Variants in BCKDHB observed in about 807,000 individuals in gnomAD.
BCKDHB encodes branched chain keto acid dehydrogenase E1 subunit beta.
In BCKDHB, 41 loss-of-function variants were observed where a neutral mutation model predicts 48.5. The ratio of observed to expected loss-of-function variants is 0.85; its 90% CI spans 0.66 to 1.10. The LOEUF (loss-of-function observed/expected upper bound fraction) is 1.10, where lower values mean the gene tolerates loss of function less well. BCKDHB is among the 50% of genes least tolerant of loss of function. BCKDHB has a pLI of 0.00. For missense variants in BCKDHB, 496 were observed against 494.2 expected (o/e 1.00, Z -0.03); for synonymous variants, 201 against 174.8 (o/e 1.15, Z -1.18).
chr6:80,203,084 T>C lies in BCKDHB; in HGVS notation c.841-18T>C. 6.4e-7 allele frequency: 1 copy of C among 1,554,210 alleles called. No homozygotes were observed. Among genetic ancestry groups the C allele is most frequent in the Non-Finnish European group, 8.9e-7 (1 of 1,125,922 alleles). On this transcript the variant is annotated intron_variant, in intron 7 of 9. Transcript: ENST00000320393. Reference sequence around the variant, plus strand: ...AACCTTTGTAGTCATTCTCTGCATATTTTTCTCTTTATTTCAGGTTCATGT... The same window carrying C: ...AACCTTTGTAGTCATTCTCTGCATACTTTTCTCTTTATTTCAGGTTCATGT...
At chr6:80,464,092 A>G in the BCKDHB span, among the ~76,000 whole-genome samples, 5 of 152,018 alleles carry the variant, frequency 3.3e-5, no homozygotes, top group Non-Finnish European at 7.4e-5. Flanking sequence ...CACAGATTAC[A>G]AGTGCATTGA....
intron 8 of BCKDHB, among the ~76,000 whole-genome samples, chr6:80,269,498 A>G (rs1777646191): frequency 6.6e-6 from 1 of 152,040 alleles, no homozygotes; most frequent in Non-Finnish European, 1.5e-5. Context: ...CTGATCTTCA[A>G]TTGGCTTAGC....
At chr6:80,417,066 T>A in the BCKDHB span, among the ~76,000 whole-genome samples, 1 of 152,192 alleles carries the variant, frequency 6.6e-6, no homozygotes, top group East Asian at 1.9e-4. Context: ...TTTAAGATAC[T>A]TAGATGATTT....
At chr6:80,201,555 G>C (rs1338696735) in intron 7 of BCKDHB, among the ~76,000 whole-genome samples, 1 of 152,122 alleles carries the variant, frequency 6.6e-6, no homozygotes, top group East Asian at 1.9e-4. Context: ...GTATACCCAT[G>C]TTACTTTCGC....
At chr6:80,140,507 G>A (rs1431950324) in intron 3 of BCKDHB, among the ~76,000 whole-genome samples, 4 of 152,118 alleles carry the variant, frequency 2.6e-5, no homozygotes, top group Non-Finnish European at 5.9e-5. Flanking sequence ...TGAGTTTTTA[G>A]CATGAAGGGT....
intron 6 of BCKDHB, among the ~76,000 whole-genome samples, chr6:80,188,695 G>C (rs1186923216): frequency 1.3e-5 from 2 of 152,018 alleles, no homozygotes; most frequent in Non-Finnish European, 2.9e-5. Context: ...CGCTTACTAT[G>C]CTTATTACCT....
intron 6 of BCKDHB, among the ~76,000 whole-genome samples, chr6:80,171,630 ATAAAGGGACTATGTT>A (rs1169610585): frequency 6.6e-6 from 1 of 152,108 alleles, no homozygotes; most frequent in Non-Finnish European, 1.5e-5. Context: ...GGTAGCAACA[ATAAAGGGACTATGTT>A]TAACCACATA....
At chr6:80,334,663 G>C (rs1308330006) in intron 9 of BCKDHB, among the ~76,000 whole-genome samples, 1 of 151,148 alleles carries the variant, frequency 6.6e-6, no homozygotes, top group Non-Finnish European at 1.5e-5. Context: ...TTTAATTTTA[G>C]TAAAAACATT....
At chr6:80,412,334 A>G in the BCKDHB span, among the ~76,000 whole-genome samples, 1 of 151,666 alleles carries the variant, frequency 6.6e-6, no homozygotes. Flanking sequence ...TTTAGTAGAG[A>G]TGGGGTTTCA....
At chr6:80,211,238 T>C (rs1489749406) in intron 8 of BCKDHB, among the ~76,000 whole-genome samples, 1 of 152,178 alleles carries the variant, frequency 6.6e-6, no homozygotes, top group African/African-American at 2.4e-5. Flanking sequence ...TGTTTAAACT[T>C]TACCTGAAGA....
At chr6:80,333,889 A>C (rs1229291252) in intron 9 of BCKDHB, among the ~76,000 whole-genome samples, 6 of 152,120 alleles carry the variant, frequency 3.9e-5, no homozygotes, top group East Asian at 3.8e-4. Flanking sequence ...GTCACTAACT[A>C]CCTCTTCATT....
chr6:80,199,930 G>A (rs1338246477), intron 6 of BCKDHB, among the ~76,000 whole-genome samples: 1 of 151,100 alleles, frequency 6.6e-6, no homozygotes, highest in East Asian at 1.9e-4. Context: ...AATTTAGCCT[G>A]GCAGTAGTGG....
chr6:80,394,101 G>A, the BCKDHB span, among the ~76,000 whole-genome samples: 1 of 152,090 alleles, frequency 6.6e-6, no homozygotes, highest in African/African-American at 2.4e-5. Context: ...AATTGATTCT[G>A]TTCCTCCAAG....
intron 3 of BCKDHB, among the ~76,000 whole-genome samples, chr6:80,133,727 C>G (rs1562074360): frequency 1.3e-5 from 2 of 152,064 alleles, no homozygotes; most frequent in African/African-American, 2.4e-5. Flanking sequence ...ACTGTAACCT[C>G]TCTCTCCCAG....
intron 9 of BCKDHB, among the ~76,000 whole-genome samples, chr6:80,292,184 C>T (rs1478721170): frequency 6.6e-6 from 1 of 152,266 alleles, no homozygotes; most frequent in African/African-American, 2.4e-5. Context: ...CTTTTATTGG[C>T]TCTATAAGTT....
Position 80,172,135 on chromosome 6 carries a change from C to T in BCKDHB, c.742+745C>T, listed in dbSNP as rs187624937. 3.2e-4 allele frequency among the ~76,000 whole-genome samples: 48 copies of T among 152,146 alleles called. No individual in the cohort carries two copies. In the East Asian group the frequency reaches 7.5e-3, roughly 24 times the overall value. On this transcript the variant is annotated intron_variant, in intron 6 of 9. Transcript: ENST00000320393. ...CACTGCATATGTTCTTTTGTGTTTG[C>T]TTTCTTTTACTCAACCTAATGCTTT...
chr6:80,120,724 G>C (rs903694443), intron 1 of BCKDHB, among the ~76,000 whole-genome samples: 1 of 152,090 alleles, frequency 6.6e-6, no homozygotes, highest in East Asian at 1.9e-4. Context: ...TCTTTTTCTT[G>C]TAAATTTGTT....
intron 8 of BCKDHB, among the ~76,000 whole-genome samples, chr6:80,240,085 G>A (rs112882455): frequency 4.9e-4 from 75 of 152,154 alleles, no homozygotes; most frequent in African/African-American, 1.7e-3. Flanking sequence ...TGGGAATGTG[G>A]GCTCTTTTTT....
At chr6:80,146,394 T>C (rs1771490309) in intron 3 of BCKDHB, among the ~76,000 whole-genome samples, 2 of 152,198 alleles carry the variant, frequency 1.3e-5, no homozygotes, top group Non-Finnish European at 1.5e-5. Flanking sequence ...AATTAAATTG[T>C]GCATTGAGAG....
Sources: allele counts gnomAD v4.1 joint callset (sites outside exome capture counted in the v4.1 genomes callset), GRCh38; gene constraint gnomAD v4.1.1; transcripts MANE v1.5; gene names NCBI Gene and HGNC (gene_info 2026-07-23, HGNC 2026-07-21).